NFIB: variants seen among roughly 807,000 people sequenced by gnomAD.
The protein encoded by NFIB is nuclear factor 1 B-type.
NFIB carries 11 observed loss-of-function variants against 61.5 expected under a neutral mutation model. That is an observed-to-expected ratio of 0.18 (90% CI 0.11 to 0.30). NFIB has a LOEUF of 0.30. Ranked by LOEUF, NFIB falls within the 10% of genes least tolerant of loss-of-function variation. The probability of loss-of-function intolerance (pLI) is 1.00; values close to 1 mark genes in which losing one functional copy is unlikely to be tolerated. For missense variants in NFIB, 471 were observed against 608.9 expected (o/e 0.77, Z 2.38); for synonymous variants, 260 against 216.5 (o/e 1.20, Z -1.76).
intron 3 of NFIB, among the ~76,000 whole-genome samples, chr9:14,174,686 G>C (rs1311921493): frequency 6.7e-6 from 1 of 149,860 alleles, no homozygotes; most frequent in Non-Finnish European, 1.5e-5. Context: ...AGAATTGCTT[G>C]AACCCGGGAG....
At chr9:14,299,412 ATTAAG>A (rs1277623477) in intron 2 of NFIB, among the ~76,000 whole-genome samples, 6 of 152,250 alleles carry the variant, frequency 3.9e-5, no homozygotes, top group Non-Finnish European at 8.8e-5. Flanking sequence ...AATGAATACT[ATTAAG>A]TTGACTATTT....
At chr9:14,505,002 T>C in the NFIB span, among the ~76,000 whole-genome samples, 3 of 152,214 alleles carry the variant, frequency 2.0e-5, no homozygotes, top group African/African-American at 4.8e-5. Flanking sequence ...TTAAGGTATG[T>C]CCCTTCTATG....
chr9:14,250,130 C>T (rs534613129), intron 2 of NFIB, among the ~76,000 whole-genome samples: 201 of 152,282 alleles, frequency 1.3e-3, no homozygotes, highest in African/African-American at 4.4e-3. Flanking sequence ...AAGGTTATCA[C>T]GCAGGATTTT....
intron 2 of NFIB, among the ~76,000 whole-genome samples, chr9:14,187,075 CTG>C (rs1587432607): frequency 7.6e-6 from 1 of 131,104 alleles, no homozygotes; most frequent in Non-Finnish European, 1.6e-5. Context: ...GTGTGTGTGC[CTG>C]TGTCTCCCTT....
intron 1 of NFIB, among the ~76,000 whole-genome samples, chr9:14,328,462 A>AATAT (rs199869097): frequency 6.6e-6 from 1 of 151,242 alleles, no homozygotes; most frequent in Non-Finnish European, 1.5e-5. Flanking sequence ...AGCTGCCCTT[A>AATAT]ATATATATAT....
chr9:14,507,817 T>C, the NFIB span, among the ~76,000 whole-genome samples: 1 of 152,060 alleles, frequency 6.6e-6, no homozygotes, highest in Admixed American at 6.6e-5. Flanking sequence ...CTAATAGACA[T>C]GATTTTCCTG....
At chr9:14,306,864 A>G in intron 2 of NFIB, 125 bp downstream of exon 2, 1 of 1,172,612 alleles carries the variant, frequency 8.5e-7, no homozygotes. Flanking sequence ...ACACCCTACT[A>G]TACCCAGAGA....
At chr9:14,341,517 G>A (rs2060950197) in intron 1 of NFIB, among the ~76,000 whole-genome samples, 1 of 152,176 alleles carries the variant, frequency 6.6e-6, no homozygotes, top group African/African-American at 2.4e-5. Flanking sequence ...GAAGTGCTGG[G>A]AAGGGACTGT....
chr9:14,324,831 G>C (rs1387889471), intron 1 of NFIB, among the ~76,000 whole-genome samples: 1 of 151,986 alleles, frequency 6.6e-6, no homozygotes, highest in Admixed American at 6.6e-5. Flanking sequence ...GCATTCTTCT[G>C]TTGGTCAAAT....
rs544591396 is a variant in NFIB, at chr9:14,085,322, C to G, written c.*2987G>C. ...CCAGGGGACTCCTTAAGACAGCCTA[C>G]CATGTGTCACCAATTCTGAAAGATT... On this transcript the variant is annotated 3_prime_UTR_variant, in exon 11 of 11. Coordinates refer to ENST00000380953, the MANE Select transcript of NFIB (RefSeq NM_001190737.2). 1.3e-5 allele frequency: 3 copies of G among 225,858 alleles called. No individual in the cohort carries two copies. In the South Asian group the frequency reaches 5.5e-4, roughly 41 times the overall value. 14.0% of individuals were successfully genotyped at this position (225,858 alleles called of 1,614,324 possible).
chr9:14,372,096 A>C (rs1266379978), intron 1 of NFIB, among the ~76,000 whole-genome samples: 1 of 151,728 alleles, frequency 6.6e-6, no homozygotes, highest in Non-Finnish European at 1.5e-5. Context: ...TCTGAATGTC[A>C]GCCCTGCCAA....
chr9:14,251,180 GGTGTTT>G (rs1696731710), intron 2 of NFIB, among the ~76,000 whole-genome samples: 2 of 152,106 alleles, frequency 1.3e-5, no homozygotes, highest in Admixed American at 6.5e-5. Context: ...CTTGCCTTTG[GGTGTTT>G]GTTTTACAAG....
chr9:14,235,152 T>G (rs1392182436), intron 2 of NFIB, among the ~76,000 whole-genome samples: 1 of 152,126 alleles, frequency 6.6e-6, no homozygotes, highest in Non-Finnish European at 1.5e-5. Context: ...AAATAAAGAA[T>G]AAACACCAAG....
At chr9:14,212,705 G>A (rs2050443220) in intron 2 of NFIB, among the ~76,000 whole-genome samples, 1 of 151,430 alleles carries the variant, frequency 6.6e-6, no homozygotes, top group South Asian at 2.1e-4. Context: ...ATAAATGTTT[G>A]CTAGATGATT....
chr9:14,222,507 A>T (rs181894157), intron 2 of NFIB, among the ~76,000 whole-genome samples: 1 of 152,278 alleles, frequency 6.6e-6, no homozygotes, highest in East Asian at 1.9e-4. Context: ...TAAGTTTAGA[A>T]ATCTGCATTC....
At chr9:14,262,652 C>A (rs758805229) in intron 2 of NFIB, among the ~76,000 whole-genome samples, 1 of 152,180 alleles carries the variant, frequency 6.6e-6, no homozygotes, top group Admixed American at 6.5e-5. Flanking sequence ...TTCTGAGATG[C>A]CTTCTCCTTT....
At chr9:14,402,436 G>C (rs558971160), upstream of NFIB, among the ~76,000 whole-genome samples, 1 of 152,184 alleles carries the variant, frequency 6.6e-6, no homozygotes, top group South Asian at 2.1e-4. Context: ...TTGAAGTAAA[G>C]GTCCTTTTTT....
At chr9:14,368,361 G>T (rs2061325094) in intron 1 of NFIB, among the ~76,000 whole-genome samples, 1 of 152,150 alleles carries the variant, frequency 6.6e-6, no homozygotes, top group Non-Finnish European at 1.5e-5. Context: ...TTATTTATGA[G>T]TAAAAATTAC....
At chr9:14,171,767 A>C (rs1340593740) in intron 3 of NFIB, among the ~76,000 whole-genome samples, 1 of 152,222 alleles carries the variant, frequency 6.6e-6, no homozygotes, top group African/African-American at 2.4e-5. Context: ...GTTAAATTGG[A>C]GTTAACCATG....
Sources: allele counts gnomAD v4.1 joint callset (sites outside exome capture counted in the v4.1 genomes callset), GRCh38; gene constraint gnomAD v4.1.1; transcripts MANE v1.5; gene names NCBI Gene and HGNC (gene_info 2026-07-23, HGNC 2026-07-21).